Variants in CASZ1 observed in about 807,000 individuals in gnomAD.
The protein encoded by CASZ1 is zinc finger protein castor homolog 1.
In CASZ1, 28 loss-of-function variants were observed where a neutral mutation model predicts 135.2. That is an observed-to-expected ratio of 0.21 (90% CI 0.15 to 0.28). The LOEUF (loss-of-function observed/expected upper bound fraction) is 0.28, where lower values mean the gene tolerates loss of function less well. CASZ1 is among the 10% of genes least tolerant of loss of function. CASZ1 has a pLI of 1.00. For missense variants in CASZ1, 2,161 were observed against 2,453.3 expected, an observed-to-expected ratio of 0.88 and a Z score of 2.52; for synonymous variants, 1,068 against 1,073.4, an observed-to-expected ratio of 0.99 and a Z score of 0.10.
intron 11 of CASZ1, chr1:10,653,163 C>T: frequency 1.6e-6 from 1 of 634,906 alleles, no homozygotes; most frequent in Middle Eastern, 2.5e-4. Context: ...GAAACAGAAG[C>T]ATGGCCCCCC....
chr1:10,777,868 C>T lies in CASZ1; in HGVS notation c.-233-17011G>A, dbSNP rs1192348723. Among the ~76,000 whole-genome samples the T allele has an allele frequency of 1.3e-4, 20 of 151,842 alleles. No homozygotes were observed. The highest frequency in any genetic ancestry group is 2.9e-4 in the Non-Finnish European group (20 of 67,938). ...ACACACTCTCATATACAATGACTCACGATCTCACACAATCACACAATTTCA... is the reference window on the plus strand; with the variant it reads ...ACACACTCTCATATACAATGACTCATGATCTCACACAATCACACAATTTCA... On this transcript the variant is annotated intron_variant, in intron 1 of 20. Transcript: ENST00000377022. The surrounding 1 kb of genome is among the most constrained non-coding windows in gnomAD (Gnocchi z 4.4).
intron 4 of CASZ1, among the ~76,000 whole-genome samples, chr1:10,678,027 G>A: frequency 6.6e-6 from 1 of 150,864 alleles, no homozygotes; most frequent in South Asian, 2.1e-4. Flanking sequence ...TGCAGGGACT[G>A]AGACCCTGAG....
intron 1 of CASZ1, among the ~76,000 whole-genome samples, chr1:10,783,503 T>TA (rs1350728066): frequency 2.6e-5 from 4 of 152,004 alleles, no homozygotes; most frequent in African/African-American, 9.7e-5. Context: ...AAGGGTCAAT[T>TA]ATGGATAAAT....
chr1:10,712,622 G>A (rs55798886), intron 2 of CASZ1, among the ~76,000 whole-genome samples: 4,936 of 152,148 alleles, frequency 0.032, 275 homozygotes, highest in African/African-American at 0.11. Context: ...TCCGAGTGGG[G>A]CTCCCGGGGC....
At position 10,759,756 on chromosome 1, in the gene CASZ1, C is replaced by T. The variant is rs553419012; in HGVS notation, c.-77+945G>A. 4.5e-4 allele frequency among the ~76,000 whole-genome samples: 68 copies of T among 152,238 alleles called. No individual in the cohort carries two copies. Among genetic ancestry groups the T allele is most frequent in the Admixed American group, 4.2e-3 (64 of 15,300 alleles). ...CCAGAGTGACCATGGGGAGGAAGAG[C>T]GCAGGCAGGTGAGCCAGGGACACCG... On this transcript the variant is annotated intron_variant, in intron 2 of 20. Coordinates refer to ENST00000377022, the MANE Select transcript of CASZ1 (RefSeq NM_001079843.3). This position sits in a 1 kb window ranked among gnomAD's most constrained non-coding sequence, Gnocchi z 4.2.
chr1:10,638,956 C>T lies in CASZ1; in HGVS notation c.5266G>A (p.Ala1756Thr). 5.1e-6 allele frequency: 5 copies of T among 980,804 alleles called. No individual in the cohort carries two copies. Among genetic ancestry groups the T allele is most frequent in the Non-Finnish European group, 6.0e-6 (5 of 828,338 alleles). The allele number at this position is 980,804 out of a possible 1,614,324, so 60.8% of individuals were successfully genotyped here. The change falls in exon 21 of 21, where the codon GCC becomes ACC. Residue 1756 changes from alanine to threonine, a missense_variant. Ala to Thr is a moderately conservative substitution (Grantham distance 58). This residue lies in a region of CASZ1 where 185 missense variants were observed against 134.7 expected (regional missense o/e 1.37). Transcript: ENST00000377022. This position sits in a 1 kb window ranked among gnomAD's most constrained non-coding sequence, Gnocchi z 5.9. ...CGCGGGCGCCGCTAGGGCGAGGAGG[C>T]TGCAGTGGGCGCGGGGCCGGGGGCG... ...LGAPGPAPTA[A>T]SSP
chr1:10,639,125 CTCGTCGTCGTCCTCGTCCTCGTCGTCT>C lies in CASZ1; in HGVS notation c.5070_5096del (p.Glu1693_Asp1701del). ...CGTCGTCGTCCTCGTCGTCGTCGTC[CTCGTCGTCGTCCTCGTCCTCGTCGTCT>C]TCGGCCTCCTCCTCCGGCAGCTCCA... On this transcript the variant is annotated inframe_deletion, in exon 21 of 21. Coordinates refer to ENST00000377022, the MANE Select transcript of CASZ1 (RefSeq NM_001079843.3). This position sits in a 1 kb window ranked among gnomAD's most constrained non-coding sequence, Gnocchi z 4.0. 1 of 1,154,302 alleles carries C rather than the reference CTCGTCGTCGTCCTCGTCCTCGTCGTCT, an allele frequency of 8.7e-7. No homozygotes were observed. The highest frequency in any genetic ancestry group is 1.1e-6 in the Non-Finnish European group (1 of 914,462). 71.5% of individuals were successfully genotyped at this position (1,154,302 alleles called of 1,614,324 possible).
chr1:10,692,455 C>T (rs1049248098), intron 4 of CASZ1, among the ~76,000 whole-genome samples: 6 of 148,814 alleles, frequency 4.0e-5, no homozygotes, highest in African/African-American at 1.0e-4. Context: ...GATGAGACAC[C>T]GACTGGAGGT....
chr1:10,668,016 C>T (rs970428508), intron 4 of CASZ1, among the ~76,000 whole-genome samples: 1 of 152,224 alleles, frequency 6.6e-6, no homozygotes, highest in Non-Finnish European at 1.5e-5. Context: ...GCTGCCCCAG[C>T]CCACCTGCCT....
At position 10,792,328 on chromosome 1, in the gene CASZ1, CCCCCCCCCCCCCGG is replaced by C. The variant is rs1319999791; in HGVS notation, c.-234+4222_-234+4235del. ...GTACATGGCTTACCCCTCCCCCCCG[CCCCCCCCCCCCCGG>C]CCCCGCACACAAAGTAAATGGAAAT... On this transcript the variant is annotated intron_variant, in intron 1 of 20. Transcript: ENST00000377022. Among the ~76,000 whole-genome samples, 58 of 16,134 alleles carry C rather than the reference CCCCCCCCCCCCCGG, an allele frequency of 3.6e-3. 18 individuals are homozygous for C. The East Asian group carries it at 0.2, about 55-fold the overall frequency. 10.6% of individuals were successfully genotyped at this position (16,134 alleles called of 152,430 possible).
intron 2 of CASZ1, among the ~76,000 whole-genome samples, chr1:10,714,362 G>A (rs1639340372): frequency 6.6e-6 from 1 of 152,012 alleles, no homozygotes; most frequent in Non-Finnish European, 1.5e-5. Context: ...AAGAAAGAAA[G>A]AAACTTAAGC....
intron 2 of CASZ1, among the ~76,000 whole-genome samples, chr1:10,753,392 C>T (rs552188046): frequency 7.9e-5 from 12 of 152,290 alleles, no homozygotes; most frequent in Admixed American, 7.8e-4. Context: ...CTGCACTGTC[C>T]AATACCACAG....
At chr1:10,677,817 C>T (rs1291924414) in intron 4 of CASZ1, among the ~76,000 whole-genome samples, 3 of 152,236 alleles carry the variant, frequency 2.0e-5, no homozygotes, top group Non-Finnish European at 4.4e-5. Flanking sequence ...CACAAAGGCC[C>T]CCTGCTGCGG....
Position 10,707,170 on chromosome 1 carries a change from T to G in CASZ1, c.-76-1626A>C, listed in dbSNP as rs914337955. On this transcript the variant is annotated intron_variant, in intron 2 of 20. Coordinates refer to ENST00000377022, the MANE Select transcript of CASZ1 (RefSeq NM_001079843.3). The surrounding 1 kb of genome is among the most constrained non-coding windows in gnomAD (Gnocchi z 5.0). ...TCTCAAGGTGCCCTGGCCAGCCTCC[T>G]GTGGACCCCCAAAGCCCCCCAACTC... is the stretch of plus-strand genomic sequence containing the variant. 6.6e-6 allele frequency among the ~76,000 whole-genome samples: 1 copy of G among 152,092 alleles called. No individual in the cohort carries two copies. Among genetic ancestry groups the G allele is most frequent in the Non-Finnish European group, 1.5e-5 (1 of 68,002 alleles).
chr1:10,670,702 G>T (rs1372531820), intron 4 of CASZ1, among the ~76,000 whole-genome samples: 1 of 152,240 alleles, frequency 6.6e-6, no homozygotes, highest in South Asian at 2.1e-4. Context: ...GGCATCAGAG[G>T]TGCCACAGGA....
Position 10,756,092 on chromosome 1 carries a change from G to A in CASZ1, c.-77+4609C>T, listed in dbSNP as rs1056200601. Among the ~76,000 whole-genome samples the A allele has an allele frequency of 3.9e-5, 6 of 151,988 alleles. No individual in the cohort carries two copies. The highest frequency in any genetic ancestry group is 1.3e-4 in the Admixed American group (2 of 15,272). Reference sequence around the variant, plus strand: ...CAGTGTTCTGAGGCCTGGCAGACACGCCCAGGAAGACTGGCTGACACGCCC... The same window carrying A: ...CAGTGTTCTGAGGCCTGGCAGACACACCCAGGAAGACTGGCTGACACGCCC... On this transcript the variant is annotated intron_variant, in intron 2 of 20. Transcript: ENST00000377022. The surrounding 1 kb of genome is among the most constrained non-coding windows in gnomAD (Gnocchi z 5.9).
intron 9 of CASZ1, among the ~76,000 whole-genome samples, chr1:10,655,253 C>T (rs962007586): frequency 6.6e-6 from 1 of 152,222 alleles, no homozygotes; most frequent in African/African-American, 2.4e-5. Flanking sequence ...AAAGTCGCTC[C>T]TCCTGGCCCT....
At chr1:10,772,439 G>A (rs544151274) in intron 1 of CASZ1, among the ~76,000 whole-genome samples, 5 of 152,324 alleles carry the variant, frequency 3.3e-5, no homozygotes, top group African/African-American at 9.6e-5. Context: ...TGCGGGGGAA[G>A]GCTGAGGATC....
chr1:10,653,258 G>A (rs1164960298), intron 11 of CASZ1, 119 bp downstream of exon 11: 2 of 1,074,164 alleles, frequency 1.9e-6, no homozygotes, highest in South Asian at 1.4e-5. Context: ...GTGCTGGCAA[G>A]CAGGGGCCAC....
Sources: gnomAD v4.1 joint callset for allele counts (sites outside exome capture counted in the v4.1 genomes callset) on GRCh38, gnomAD v4.1.1 for gene constraint, gnomAD v4.1.1 regional missense constraint, Gnocchi (gnomAD v3.1) non-coding constraint, MANE v1.5 for transcripts, NCBI Gene and HGNC (gene_info 2026-07-23, HGNC 2026-07-21) for gene names.